The following MOGAT1 variants were observed in gnomAD, a reference collection of about 807,000 sequenced individuals.
MOGAT1 encodes 2-acylglycerol O-acyltransferase 1.
In MOGAT1, 32 loss-of-function variants were observed where a neutral mutation model predicts 31.4. The observed-to-expected ratio is 1.02, with a 90% confidence interval of 0.77 to 1.37. MOGAT1 has a LOEUF of 1.37. Among genes scored for constraint, MOGAT1 ranks in the 40% most tolerant of loss-of-function variants. The pLI is 0.00. For missense variants in MOGAT1, 426 were observed against 402.0 expected (o/e 1.06, Z -0.51); for synonymous variants, 145 against 144.5 (o/e 1.00, Z -0.03).
chr2:222,709,567 A>G (rs544146070), intron 5 of MOGAT1, among the ~76,000 whole-genome samples, 169 bp from the exon 6 acceptor site: 1 of 152,212 alleles, frequency 6.6e-6, no homozygotes, highest in Non-Finnish European at 1.5e-5. Context: ...TTGTTATCAG[A>G]TGGAGTGGTG....
rs536337004 is a variant in MOGAT1, at chr2:222,705,890, T to C, written c.854-3846T>C. ...CTGGTAGCTTTCAACCTCATTTCCC[T>C]GAGATGGGCTTTTTTGAATTATTTA... is the stretch of plus-strand genomic sequence containing the variant. On this transcript the variant is annotated intron_variant, in intron 5 of 5. Coordinates refer to ENST00000446656, the MANE Select transcript of MOGAT1 (RefSeq NM_058165.3). 3.0e-4 allele frequency among the ~76,000 whole-genome samples: 45 copies of C among 152,360 alleles called. No individual in the cohort carries two copies. In the South Asian group the frequency reaches 9.3e-3, roughly 32 times the overall value.
intron 5 of MOGAT1, among the ~76,000 whole-genome samples, chr2:222,696,282 C>T (rs1692835518): frequency 6.6e-6 from 1 of 152,190 alleles, no homozygotes; most frequent in African/African-American, 2.4e-5. Flanking sequence ...GGTAGATACC[C>T]AGTAGTGGGA....
chr2:222,683,278 A>T (rs999653796), intron 1 of MOGAT1, among the ~76,000 whole-genome samples: 1 of 151,984 alleles, frequency 6.6e-6, no homozygotes, highest in African/African-American at 2.4e-5. Context: ...ATGGGGAGTA[A>T]CTGCTTAATG....
At chr2:222,677,205 A>G (rs1692511734) in intron 1 of MOGAT1, among the ~76,000 whole-genome samples, 2 of 152,250 alleles carry the variant, frequency 1.3e-5, no homozygotes, top group African/African-American at 2.4e-5. Flanking sequence ...TTTGTCAGTT[A>G]AAAGTGAACA....
Position 222,688,532 on chromosome 2 carries a change from G to A in MOGAT1, c.273+10G>A, listed in dbSNP as rs749980812. The A allele has an allele frequency of 1.2e-5, 19 of 1,582,834 alleles. No individual in the cohort carries two copies. In the Admixed American group the frequency reaches 1.8e-4, roughly 15 times the overall value. On this transcript the variant is annotated intron_variant, in intron 2 of 5. Transcript: ENST00000446656. ...CTATTTTCCAATTCATGTGAGTACA[G>A]TTGTTTTATAAAGTATTATTTTGAT...
At chr2:222,693,261 C>T (rs1434466677) in intron 3 of MOGAT1, among the ~76,000 whole-genome samples, 1 of 152,108 alleles carries the variant, frequency 6.6e-6, no homozygotes, top group East Asian at 1.9e-4. Context: ...CCTATATTTT[C>T]CTCCAAGAGT....
intron 5 of MOGAT1, chr2:222,699,546 G>A (rs1426967910): frequency 7.2e-6 from 1 of 138,096 alleles, no homozygotes; most frequent in Non-Finnish European, 1.5e-5. Flanking sequence ...ACCCAGGCTG[G>A]AGTGCAGTGG....
In MOGAT1 at chr2:222,688,615, G is replaced by C. The variant is rs73073772; in HGVS notation, c.273+93G>C. On this transcript the variant is annotated intron_variant, in intron 2 of 5. Transcript: ENST00000446656. The stretch of plus-strand genomic sequence containing the variant: ...ATATATCTCAAGCTTCTTTTTCAGA[G>C]GGGATGTCTTAGTCTGTTTTGTGCT... The C allele has an allele frequency of 4.7e-3, 4,127 of 881,738 alleles. 104 individuals carry two copies. The African/African-American group carries it at 0.061, about 13-fold the overall frequency. 54.6% of individuals were successfully genotyped at this position (881,738 alleles called of 1,614,324 possible). A position where few individuals can be genotyped will look rare whatever the true frequency, so the allele number is the denominator to read the frequency against.
intron 5 of MOGAT1, among the ~76,000 whole-genome samples, 200 bp from the exon 6 acceptor site, chr2:222,709,536 C>A (rs770770357): frequency 6.6e-6 from 1 of 152,202 alleles, no homozygotes; most frequent in Non-Finnish European, 1.5e-5. Flanking sequence ...CCAGTGTCTG[C>A]TGAGGAGGAA....
At chr2:222,709,710 C>T in intron 5 of MOGAT1, 26 bp from the exon 6 acceptor site, 2 of 1,608,990 alleles carry the variant, frequency 1.2e-6, no homozygotes, top group South Asian at 1.1e-5. Flanking sequence ...TAGTTCCTCA[C>T]GTATGATGTA....
intron 1 of MOGAT1, among the ~76,000 whole-genome samples, chr2:222,683,027 G>A (rs1692606608): frequency 6.6e-6 from 1 of 151,972 alleles, no homozygotes; most frequent in South Asian, 2.1e-4. Flanking sequence ...AACATGGCAA[G>A]ATCCTATCTT....
At chr2:222,682,289 A>T (rs1692593547) in intron 1 of MOGAT1, among the ~76,000 whole-genome samples, 1 of 152,242 alleles carries the variant, frequency 6.6e-6, no homozygotes, top group African/African-American at 2.4e-5. Flanking sequence ...ATCATACCCA[A>T]GAAATTTATC....
At position 222,671,770 on chromosome 2, in the gene MOGAT1, C is replaced by T. The variant is rs1692419716; in HGVS notation, c.-16C>T. On this transcript the variant is annotated 5_prime_UTR_variant, in exon 1 of 6. Coordinates refer to ENST00000446656, the MANE Select transcript of MOGAT1 (RefSeq NM_058165.3). Reference sequence around the variant, plus strand: ...GCAGGCTGCAGTGGCTGGCGCCGTCCTCGCCCGGCCAGGCCATGAAGGTAG... The same window carrying T: ...GCAGGCTGCAGTGGCTGGCGCCGTCTTCGCCCGGCCAGGCCATGAAGGTAG... 1 of 1,548,460 alleles carries T rather than the reference C, an allele frequency of 6.5e-7. No individual in the cohort carries two copies. Among genetic ancestry groups the T allele is most frequent in the South Asian group, 1.2e-5 (1 of 83,928 alleles).
chr2:222,701,298 A>AGG (rs34488394), intron 5 of MOGAT1, among the ~76,000 whole-genome samples: 1 of 93,156 alleles, frequency 1.1e-5, no homozygotes. Flanking sequence ...GAGGAGGAGG[A>AGG]GGAGAGAGAG....
chr2:222,708,241 G>A (rs748153633), intron 5 of MOGAT1, among the ~76,000 whole-genome samples: 10 of 152,092 alleles, frequency 6.6e-5, no homozygotes, highest in Non-Finnish European at 1.5e-4. Flanking sequence ...CCGCCACCAC[G>A]TCCGGCTAAT....
chr2:222,684,362 T>C (rs1692630077), intron 1 of MOGAT1, among the ~76,000 whole-genome samples: 1 of 151,498 alleles, frequency 6.6e-6, no homozygotes, highest in African/African-American at 2.4e-5. Context: ...GCTGAGATCA[T>C]GTCATCGCAC....
intron 5 of MOGAT1, among the ~76,000 whole-genome samples, chr2:222,695,818 A>G (rs1643035757): frequency 1.3e-5 from 2 of 152,020 alleles, no homozygotes; most frequent in South Asian, 4.1e-4. Flanking sequence ...TGGTCACATG[A>G]ATAAATTCTT....
At position 222,688,511 on chromosome 2, in the gene MOGAT1, T is replaced by A. The variant is rs770090883; in HGVS notation, c.262T>A (p.Phe88Ile). Residue 88 changes from phenylalanine (F) to isoleucine (I), a missense_variant, in exon 2 of 6, where the codon TTT becomes ATT. Coordinates refer to ENST00000446656, the MANE Select transcript of MOGAT1 (RefSeq NM_058165.3). ...TCTTTGGAAACACTTTAAGGACTAT[T>A]TTCCAATTCATGTGAGTACAGTTGT... ...WTLWKHFKDY[F>I]PIHLIKTQDL... 5.6e-6 allele frequency: 9 copies of A among 1,609,460 alleles called. No homozygotes were observed. Among genetic ancestry groups the A allele is most frequent in the Non-Finnish European group, 7.6e-6 (9 of 1,178,256 alleles).
chr2:222,708,994 C>T (rs561621767), intron 5 of MOGAT1, among the ~76,000 whole-genome samples: 82 of 152,246 alleles, frequency 5.4e-4, no homozygotes, highest in Middle Eastern at 6.8e-3. Context: ...TTCTCTAATA[C>T]AGATACTTAG....
Sources: gnomAD v4.1 joint callset for allele counts (sites outside exome capture counted in the v4.1 genomes callset) on GRCh38, gnomAD v4.1.1 for gene constraint, MANE v1.5 for transcripts, NCBI Gene and HGNC (gene_info 2026-07-23, HGNC 2026-07-21) for gene names.